The following NPM1 variants were observed in gnomAD, a reference collection of about 807,000 sequenced individuals.
The protein encoded by NPM1 is nucleophosmin.
Under a neutral mutation model 44.1 loss-of-function variants are expected in NPM1, and 1 was observed. The observed-to-expected ratio is 0.02, with a 90% confidence interval of 0.01 to 0.11. The LOEUF (loss-of-function observed/expected upper bound fraction) is 0.11. NPM1 is among the 10% of genes least tolerant of loss of function. The probability of loss-of-function intolerance (pLI) is 1.00; values close to 1 mark genes in which losing one functional copy is unlikely to be tolerated. For missense variants in NPM1, 197 were observed against 347.8 expected (o/e 0.57, Z 3.45); for synonymous variants, 126 against 111.8 (o/e 1.13, Z -0.80).
intron 1 of NPM1, 57 bp downstream of exon 1, chr5:171,388,063 G>T (rs1770350576): frequency 1.5e-6 from 2 of 1,327,160 alleles, no homozygotes; most frequent in Non-Finnish European, 2.2e-6. Flanking sequence ...CGGTGAGGGT[G>T]GGGGTGAGGG....
intron 4 of NPM1, among the ~76,000 whole-genome samples, chr5:171,392,435 T>A (rs946987814): frequency 1.3e-5 from 2 of 152,048 alleles, no homozygotes; most frequent in Non-Finnish European, 2.9e-5. Flanking sequence ...TTGCCCAGAT[T>A]GGACTCTTGG....
chr5:171,403,668 C>T (rs1327711361), intron 8 of NPM1, among the ~76,000 whole-genome samples: 8 of 138,148 alleles, frequency 5.8e-5, no homozygotes, highest in Admixed American at 7.3e-5. Context: ...CCGGACGGGG[C>T]GGCTGGCCAG....
chr5:171,405,589 C>T, intron 9 of NPM1, 186 bp downstream of exon 9: 1 of 587,298 alleles, frequency 1.7e-6, no homozygotes. Flanking sequence ...GTGATTTTTG[C>T]ATATGCAAAA....
At chr5:171,409,368 A>T (rs1406503480) in intron 10 of NPM1, among the ~76,000 whole-genome samples, 2 of 151,960 alleles carry the variant, frequency 1.3e-5, no homozygotes, top group African/African-American at 4.8e-5. Context: ...GGGAGGCAAC[A>T]TGGCAAAACT....
rs1054874290 is a variant in NPM1, at chr5:171,391,570, G to T, written c.259-136G>T. 8 of 1,180,382 alleles carry T rather than the reference G, an allele frequency of 6.8e-6. No individual in the cohort carries two copies. In the Admixed American group the frequency reaches 1.4e-4, roughly 20 times the overall value. The allele number at this position is 1,180,382 out of a possible 1,614,324, so 73.1% of individuals were successfully genotyped here. ...GTTCGATGGTCAACTCTTGAACATG[G>T]GGGCTTCTGCTGCTACTTTTATCAG... On this transcript the variant is annotated intron_variant, in intron 3 of 10. Coordinates refer to ENST00000296930, the MANE Select transcript of NPM1 (RefSeq NM_002520.7).
At chr5:171,408,901 C>A (rs1771694349) in intron 10 of NPM1, among the ~76,000 whole-genome samples, 1 of 152,058 alleles carries the variant, frequency 6.6e-6, no homozygotes, top group South Asian at 2.1e-4. Context: ...GATTAAGTTG[C>A]AGTAGTCTTC....
intron 8 of NPM1, among the ~76,000 whole-genome samples, chr5:171,402,026 CTTT>C (rs1771227781): frequency 2.2e-5 from 3 of 137,330 alleles, no homozygotes; most frequent in Admixed American, 1.4e-4. Context: ...GACTTTCTTG[CTTT>C]ATTCTTAGGG....
intron 8 of NPM1, among the ~76,000 whole-genome samples, chr5:171,403,965 AC>A (rs1217646703): frequency 2.3e-5 from 1 of 42,564 alleles, no homozygotes; most frequent in Non-Finnish European, 4.5e-5. Flanking sequence ...GGGGGGGCTG[AC>A]CCCCCCATCT....
chr5:171,403,484 CCATCGT>C (rs999396755), intron 8 of NPM1, among the ~76,000 whole-genome samples: 1 of 121,420 alleles, frequency 8.2e-6, no homozygotes, highest in Non-Finnish European at 1.8e-5. Flanking sequence ...CACAAAGCTG[CCATCGT>C]CATCCTGGCC....
intron 2 of NPM1, 118 bp from the exon 3 acceptor site, chr5:171,391,184 ACAC>A (rs1302766418): frequency 2.6e-6 from 3 of 1,133,638 alleles, no homozygotes; most frequent in South Asian, 3.0e-5. Flanking sequence ...TTGTCTAACA[ACAC>A]ATTTCTCAGA....
At chr5:171,393,424 A>C (rs1770700367) in intron 6 of NPM1, among the ~76,000 whole-genome samples, 2 of 152,220 alleles carry the variant, frequency 1.3e-5, no homozygotes, top group Admixed American at 1.3e-4. Context: ...TTATGGTTTT[A>C]TGTAGATATT....
At chr5:171,400,972 A>G (rs1359902943) in intron 8 of NPM1, 47 bp downstream of exon 8, 2 of 1,268,730 alleles carry the variant, frequency 1.6e-6, no homozygotes, top group South Asian at 1.2e-5. Context: ...TAGTTGGGGA[A>G]AAAGATTCTA....
At chr5:171,399,320 T>C (rs56908101) in intron 6 of NPM1, among the ~76,000 whole-genome samples, 45,365 of 152,086 alleles carry the variant, frequency 0.3, 7,370 homozygotes, top group East Asian at 0.43. Context: ...GTGGCAGAAT[T>C]ACACAGTTAC....
rs765570138 is a variant in NPM1, at chr5:171,410,521, T to TC, written c.847-6_847-5insC. 1 of 1,555,430 alleles carries TC rather than the reference T, an allele frequency of 6.4e-7. No homozygotes were observed. The highest frequency in any genetic ancestry group is 1.4e-5 in the African/African-American group (1 of 72,346). ...CTTAACCACATTTCTTTTTTTTTTTTTCCAGGCTATTCAAGATCTCTGGCA... is the reference window on the plus strand; with the variant it reads ...CTTAACCACATTTCTTTTTTTTTTTTCTCCAGGCTATTCAAGATCTCTGGCA... On this transcript the variant is annotated splice_polypyrimidine_tract_variant and splice_region_variant and intron_variant, in intron 10 of 10. Coordinates refer to ENST00000296930, the MANE Select transcript of NPM1 (RefSeq NM_002520.7).
intron 10 of NPM1, among the ~76,000 whole-genome samples, chr5:171,410,148 C>G (rs1166942081): frequency 6.6e-6 from 1 of 152,192 alleles, no homozygotes; most frequent in African/African-American, 2.4e-5. Context: ...CATGCACAGG[C>G]AATTCAGAAT....
intron 9 of NPM1, chr5:171,407,477 G>A: frequency 1.9e-6 from 1 of 538,748 alleles, no homozygotes; most frequent in East Asian, 3.2e-5. Context: ...GGTTGTCAGG[G>A]AAGATTTGAC....
intron 7 of NPM1, 72 bp from the exon 8 acceptor site, chr5:171,400,767 A>G: frequency 3.0e-6 from 3 of 1,013,418 alleles, no homozygotes; most frequent in Middle Eastern, 2.2e-4. Flanking sequence ...CTTGTCTTAC[A>G]TGGCTTGGAC....
At chr5:171,404,938 CTT>C (rs549282227) in intron 8 of NPM1, among the ~76,000 whole-genome samples, 5 of 148,036 alleles carry the variant, frequency 3.4e-5, no homozygotes, top group East Asian at 2.0e-4. Flanking sequence ...CCAAGTTACT[CTT>C]TTTTTTTTTA....
chr5:171,400,766 C>T, intron 7 of NPM1, 73 bp from the exon 8 acceptor site: 2 of 994,030 alleles, frequency 2.0e-6, no homozygotes, highest in African/African-American at 1.6e-5. Flanking sequence ...GCTTGTCTTA[C>T]ATGGCTTGGA....
Sources: allele counts gnomAD v4.1 joint callset (sites outside exome capture counted in the v4.1 genomes callset), GRCh38; gene constraint gnomAD v4.1.1; transcripts MANE v1.5; gene names NCBI Gene and HGNC (gene_info 2026-07-23, HGNC 2026-07-21).